Variants in THSD7A observed in about 807,000 individuals in gnomAD.
THSD7A encodes the protein thrombospondin type 1 domain containing 7A.
THSD7A carries 96 observed loss-of-function variants against 231.3 expected under a neutral mutation model. The ratio of observed to expected loss-of-function variants is 0.41; its 90% CI spans 0.35 to 0.49. The LOEUF is 0.49. THSD7A is among the 20% of genes least tolerant of loss of function. The pLI is 0.05. For missense variants in THSD7A, 2,290 were observed against 2,070.2 expected (o/e 1.11, Z -2.06); for synonymous variants, 940 against 743.3 (o/e 1.26, Z -4.30).
chr7:11,683,649 A>G (rs1332607479), intron 1 of THSD7A, among the ~76,000 whole-genome samples: 1 of 151,956 alleles, frequency 6.6e-6, no homozygotes, highest in Non-Finnish European at 1.5e-5. Flanking sequence ...CCTGGATACA[A>G]ACAGCCTCCC....
intron 4 of THSD7A, among the ~76,000 whole-genome samples, chr7:11,566,845 T>C (rs987257196): frequency 2.0e-5 from 3 of 151,894 alleles, no homozygotes; most frequent in Admixed American, 6.6e-5. Flanking sequence ...ATATTTGTCA[T>C]TGAAAATCTC....
intron 19 of THSD7A, among the ~76,000 whole-genome samples, chr7:11,407,680 C>A (rs760205266): frequency 2.0e-5 from 3 of 152,128 alleles, no homozygotes; most frequent in Non-Finnish European, 4.4e-5. Flanking sequence ...TTTCAATAAG[C>A]AATGTAGAAA....
At chr7:11,824,056 T>C (rs74898147) in intron 1 of THSD7A, among the ~76,000 whole-genome samples, 7,003 of 152,192 alleles carry the variant, frequency 0.046, 188 homozygotes, top group South Asian at 0.079. Context: ...CTGTCATCAC[T>C]TGAATGCATT....
At chr7:11,750,701 T>C (rs1782472660) in intron 1 of THSD7A, among the ~76,000 whole-genome samples, 1 of 151,974 alleles carries the variant, frequency 6.6e-6, no homozygotes, top group Admixed American at 6.6e-5. Flanking sequence ...TCAGACAGCA[T>C]ATAGGAAGAT....
intron 6 of THSD7A, among the ~76,000 whole-genome samples, chr7:11,488,462 A>T (rs970521839): frequency 2.0e-5 from 3 of 152,100 alleles, no homozygotes; most frequent in Admixed American, 2.0e-4. Flanking sequence ...AGACCCATGA[A>T]CTGAGACTTA....
chr7:11,731,831 T>C (rs1294815126), intron 1 of THSD7A, among the ~76,000 whole-genome samples: 2 of 151,650 alleles, frequency 1.3e-5, no homozygotes, highest in Non-Finnish European at 3.0e-5. Flanking sequence ...TTATGAGACA[T>C]GGCATTCCAT....
At chr7:11,796,510 A>T (rs1328404089) in intron 1 of THSD7A, among the ~76,000 whole-genome samples, 1 of 151,984 alleles carries the variant, frequency 6.6e-6, no homozygotes, top group Non-Finnish European at 1.5e-5. Flanking sequence ...TAAAATTTCC[A>T]TCCAGAATAC....
intron 13 of THSD7A, among the ~76,000 whole-genome samples, chr7:11,432,629 T>A (rs1562605062): frequency 6.6e-6 from 1 of 152,126 alleles, no homozygotes; most frequent in Non-Finnish European, 1.5e-5. Context: ...TCTACGTTGG[T>A]GCATATTGCT....
At chr7:11,551,848 T>C (rs1277165082) in intron 4 of THSD7A, among the ~76,000 whole-genome samples, 2 of 152,108 alleles carry the variant, frequency 1.3e-5, no homozygotes, top group Non-Finnish European at 2.9e-5. Flanking sequence ...ACTGGGTATA[T>C]ACCCAAAGGA....
chr7:11,526,321 C>A (rs1788471843), intron 6 of THSD7A, among the ~76,000 whole-genome samples: 1 of 152,140 alleles, frequency 6.6e-6, no homozygotes, highest in Admixed American at 6.6e-5. Flanking sequence ...TACTGACCTT[C>A]TTAATTTTTA....
chr7:11,564,820 G>A (rs939041332), intron 4 of THSD7A, among the ~76,000 whole-genome samples: 10 of 152,206 alleles, frequency 6.6e-5, no homozygotes, highest in African/African-American at 2.4e-4. Flanking sequence ...ATTATTTATA[G>A]AAATAAACAT....
intron 1 of THSD7A, among the ~76,000 whole-genome samples, chr7:11,750,072 T>G (rs1364669636): frequency 1.3e-5 from 2 of 149,298 alleles, no homozygotes; most frequent in African/African-American, 2.5e-5. Flanking sequence ...AACTGCAGGG[T>G]GGAATCCCTT....
At chr7:11,429,298 T>C (rs1784411258) in intron 13 of THSD7A, among the ~76,000 whole-genome samples, 173 bp from the exon 14 acceptor site, 1 of 152,168 alleles carries the variant, frequency 6.6e-6, no homozygotes, top group Non-Finnish European at 1.5e-5. Context: ...AAATGTCACA[T>C]ACATACAGTG....
intron 6 of THSD7A, among the ~76,000 whole-genome samples, chr7:11,499,507 C>A (rs12540133): frequency 2.6e-5 from 4 of 152,014 alleles, no homozygotes; most frequent in African/African-American, 9.7e-5. Flanking sequence ...ATTCATAATA[C>A]GGATAGGAAC....
At chr7:11,447,117 A>C (rs896841855) in intron 12 of THSD7A, 113 bp downstream of exon 12, 69 of 985,652 alleles carry the variant, frequency 7.0e-5, no homozygotes, top group Non-Finnish European at 9.4e-5. Flanking sequence ...ATATACATCT[A>C]AATCCATTGG....
At chr7:11,630,805 A>G (rs1038690539) in intron 2 of THSD7A, among the ~76,000 whole-genome samples, 2 of 152,210 alleles carry the variant, frequency 1.3e-5, no homozygotes, top group African/African-American at 4.8e-5. Context: ...CTTAGAGCAG[A>G]TTTCATCCTT....
At chr7:11,625,569 A>T (rs773050087) in intron 2 of THSD7A, among the ~76,000 whole-genome samples, 23 of 151,974 alleles carry the variant, frequency 1.5e-4, no homozygotes, top group South Asian at 4.1e-4. Context: ...ATGAGATTTT[A>T]AAAAAAATAA....
At chr7:11,539,858 A>G (rs1223293642) in intron 6 of THSD7A, among the ~76,000 whole-genome samples, 1 of 152,190 alleles carries the variant, frequency 6.6e-6, no homozygotes, top group Non-Finnish European at 1.5e-5. Context: ...ACTTTTCACA[A>G]TACCTGAGAC....
intron 4 of THSD7A, among the ~76,000 whole-genome samples, chr7:11,576,195 C>A (rs1345003641): frequency 6.6e-6 from 1 of 152,054 alleles, no homozygotes; most frequent in African/African-American, 2.4e-5. Context: ...TTCCTTTGCC[C>A]CACACTCCTC....
Sources: allele counts gnomAD v4.1 joint callset (sites outside exome capture counted in the v4.1 genomes callset), GRCh38; gene constraint gnomAD v4.1.1; transcripts MANE v1.5; gene names NCBI Gene and HGNC (gene_info 2026-07-23, HGNC 2026-07-21).